AFM: variants seen among roughly 807,000 people sequenced by gnomAD.
The protein encoded by AFM is afamin, also known as alpha-Alb.
In AFM, 82 loss-of-function variants were observed where a neutral mutation model predicts 68.7. That is an observed-to-expected ratio of 1.19 (90% CI 1.00 to 1.43). The LOEUF (loss-of-function observed/expected upper bound fraction) is 1.43, where lower values mean the gene tolerates loss of function less well. AFM is among the 40% of genes most tolerant of loss of function. The pLI is 0.00. For synonymous variants in AFM, 250 were observed against 234.2 expected, an observed-to-expected ratio of 1.07 and a Z score of -0.61; for missense variants, 772 against 701.8, an observed-to-expected ratio of 1.10 and a Z score of -1.13.
chr4:73,500,678 G>A (rs1436213205), intron 12 of AFM, among the ~76,000 whole-genome samples: 1 of 152,202 alleles, frequency 6.6e-6, no homozygotes, highest in Non-Finnish European at 1.5e-5. Flanking sequence ...TGCCTAATGT[G>A]TAGTGGAGAC....
chr4:73,495,618 T>A (rs1721233966), intron 9 of AFM, among the ~76,000 whole-genome samples, 186 bp downstream of exon 9: 1 of 152,230 alleles, frequency 6.6e-6, no homozygotes, highest in Non-Finnish European at 1.5e-5. Context: ...TGATGCATAA[T>A]GTTTTGGACT....
chr4:73,493,477 C>A (rs1359449713), intron 8 of AFM, among the ~76,000 whole-genome samples: 5 of 152,060 alleles, frequency 3.3e-5, no homozygotes, highest in African/African-American at 1.2e-4. Context: ...TATATGTGAA[C>A]CTGTAGCTCT....
Position 73,492,101 on chromosome 4 carries a change from T to C in AFM, c.1058+15T>C. On this transcript the variant is annotated intron_variant, in intron 8 of 14. Coordinates refer to ENST00000226355, the MANE Select transcript of AFM (RefSeq NM_001133.2). ...TTCTTTGCGAAGTAATATAACTCTT[T>C]ATTGAATTTATAAGGGAAACAGAAA... 3.2e-6 allele frequency: 5 copies of C among 1,582,646 alleles called. No individual in the cohort carries two copies. The South Asian group carries it at 4.7e-5, about 15-fold the overall frequency.
chr4:73,492,001 G>A lies in AFM; in HGVS notation c.973G>A (p.Asp325Asn), dbSNP rs766338035. The A allele has an allele frequency of 6.2e-7, 1 of 1,613,692 alleles. No individual in the cohort carries two copies. The highest frequency in any genetic ancestry group is 2.2e-5 in the East Asian group (1 of 44,852). Reference protein sequence around the residue: ...INSNKDDRPKDLSLREGKFTD... With the variant: ...INSNKDDRPKNLSLREGKFTD... ...CTCAAACAAAGATGATAGACCAAAG[G>A]ATTTATCTCTAAGAGAAGGAAAATT... Residue 325 changes from aspartate to asparagine, a missense_variant, in exon 8 of 15, where the codon GAT (aspartate) becomes AAT (asparagine). Physicochemically the swap from Asp to Asn is conservative, Grantham distance 23 (BLOSUM62 1). Coordinates refer to ENST00000226355, the MANE Select transcript of AFM (RefSeq NM_001133.2).
chr4:73,485,590 A>AGAAAAG (rs1720871064), intron 3 of AFM, among the ~76,000 whole-genome samples: 1 of 137,390 alleles, frequency 7.3e-6, no homozygotes, highest in Non-Finnish European at 1.5e-5. Flanking sequence ...AAGGAGAAGG[A>AGAAAAG]GAAGAGGAAG....
chr4:73,491,228 C>T (rs948419305), intron 7 of AFM, among the ~76,000 whole-genome samples: 1 of 152,108 alleles, frequency 6.6e-6, no homozygotes, highest in Non-Finnish European at 1.5e-5. Context: ...AGAACTGGGG[C>T]AATTGGTAGG....
At chr4:73,499,721 G>A (rs1721373583) in intron 11 of AFM, among the ~76,000 whole-genome samples, 1 of 152,076 alleles carries the variant, frequency 6.6e-6, no homozygotes, top group African/African-American at 2.4e-5. Context: ...CTTTCAGTTG[G>A]CTTTTTGCAG....
intron 8 of AFM, among the ~76,000 whole-genome samples, chr4:73,493,951 G>A (rs934297905): frequency 6.6e-6 from 1 of 152,142 alleles, no homozygotes; most frequent in Non-Finnish European, 1.5e-5. Flanking sequence ...AGTGTTTTAA[G>A]GTAGAGTCTT....
chr4:73,494,325 A>G (rs1326025273), intron 8 of AFM, among the ~76,000 whole-genome samples: 1 of 152,132 alleles, frequency 6.6e-6, no homozygotes, highest in Non-Finnish European at 1.5e-5. Context: ...CCTGGTCATG[A>G]AAAACTTGTG....
At chr4:73,495,279 A>G (rs1388588310) in intron 8 of AFM, 21 bp from the exon 9 acceptor site, 56 of 1,558,550 alleles carry the variant, frequency 3.6e-5, no homozygotes, top group Non-Finnish European at 4.8e-5. Context: ...TTTCTAATAT[A>G]CAAAATTTTA....
intron 3 of AFM, 73 bp downstream of exon 3, chr4:73,484,463 TTTCTTTC>T: frequency 2.0e-6 from 1 of 512,418 alleles, no homozygotes; most frequent in Non-Finnish European, 3.3e-6. Flanking sequence ...TCTTTCTTTC[TTTCTTTC>T]TTTCTTTCTT....
intron 7 of AFM, among the ~76,000 whole-genome samples, chr4:73,491,434 T>C (rs1478953443): frequency 6.6e-6 from 1 of 152,192 alleles, no homozygotes; most frequent in East Asian, 1.9e-4. Context: ...ATTTATCAAA[T>C]ATTTATTTTG....
chr4:73,489,853 A>G (rs1454008119), intron 7 of AFM, among the ~76,000 whole-genome samples: 2 of 152,142 alleles, frequency 1.3e-5, no homozygotes, highest in Non-Finnish European at 2.9e-5. Context: ...GAGAGCATCA[A>G]AGTAGCTCAT....
chr4:73,502,117 C>T (rs16849512), intron 13 of AFM, among the ~76,000 whole-genome samples, 198 bp downstream of exon 13: 4,666 of 152,220 alleles, frequency 0.031, 245 homozygotes, highest in African/African-American at 0.11. Context: ...AAAAAGCTGT[C>T]GGAAGACCTG....
At chr4:73,503,024 GTTT>G (rs748235643) in intron 13 of AFM, 23 bp from the exon 14 acceptor site, 3 of 1,611,144 alleles carry the variant, frequency 1.9e-6, no homozygotes, top group Admixed American at 1.7e-5. Flanking sequence ...CTTCCTATGT[GTTT>G]TTATTTCCAT....
At chr4:73,484,450 CTTTCTTTCTTTCTT>C (rs1408470185) in intron 3 of AFM, 60 bp downstream of exon 3, 2 of 327,186 alleles carry the variant, frequency 6.1e-6, no homozygotes, top group Non-Finnish European at 1.1e-5. Context: ...CTCTTTCTTT[CTTTCTTTCTTTCTT>C]TCTTTCTTTC....
At position 73,481,856 on chromosome 4, in the gene AFM, G is replaced by A. The variant is rs766573879; in HGVS notation, c.81G>A (p.Arg27=). 1.3e-6 allele frequency: 2 copies of A among 1,591,020 alleles called. No homozygotes were observed. The highest frequency in any genetic ancestry group is 1.7e-6 in the Non-Finnish European group (2 of 1,166,660). ...CCCTAACCCTGCCCACACAACCTCG[G>A]GATATAGGTAAGAAATTTACTTGTA... ...TESLTLPTQP[R]DIENFNSTQK... Residue 27 remains arginine (R), a synonymous_variant, in exon 1 of 15, where the codon CGG becomes CGA. Transcript: ENST00000226355.
Position 73,491,063 on chromosome 4 carries a change from A to G in AFM, c.844-809A>G, listed in dbSNP as rs1446835361. On this transcript the variant is annotated intron_variant, in intron 7 of 14. Coordinates refer to ENST00000226355, the MANE Select transcript of AFM (RefSeq NM_001133.2). ...GTCTAGTGTGTTGCTGTAACTCAAC[A>G]TAATTCAAGTGAGGCTGAAACGGAG... Among the ~76,000 whole-genome samples, 4 of 152,262 alleles carry G rather than the reference A, an allele frequency of 2.6e-5. No homozygotes were observed. The East Asian group carries it at 5.8e-4, about 22-fold the overall frequency.
chr4:73,484,221 C>A (rs1408183067), intron 2 of AFM, 37 bp from the exon 3 acceptor site: 3 of 1,572,056 alleles, frequency 1.9e-6, no homozygotes, highest in Non-Finnish European at 1.7e-6. Context: ...GGAAACTCTG[C>A]AACTGATCTT....
Sources: gnomAD v4.1 joint callset for allele counts (sites outside exome capture counted in the v4.1 genomes callset) on GRCh38, gnomAD v4.1.1 for gene constraint, MANE v1.5 for transcripts, NCBI Gene and HGNC (gene_info 2026-07-23, HGNC 2026-07-21) for gene names.